LRP1B: variants seen among roughly 807,000 people sequenced by gnomAD.
The protein encoded by LRP1B is low-density lipoprotein receptor-related protein 1B.
In LRP1B, 217 loss-of-function variants were observed where a neutral mutation model predicts 556.6. The observed-to-expected ratio is 0.39, with a 90% CI of 0.35 to 0.44. The LOEUF is 0.44. Among genes scored for constraint, LRP1B ranks in the 20% least tolerant of loss-of-function variants. The probability of loss-of-function intolerance (pLI) is 1.00; values close to 1 mark genes in which losing one functional copy is unlikely to be tolerated. For synonymous variants in LRP1B, 2,047 were observed against 1,865.8 expected, an observed-to-expected ratio of 1.10 and a Z score of -2.50; for missense variants, 5,053 against 5,620.8, an observed-to-expected ratio of 0.90 and a Z score of 3.23.
At chr2:141,518,040 A>T (rs1684387386) in intron 2 of LRP1B, among the ~76,000 whole-genome samples, 1 of 152,182 alleles carries the variant, frequency 6.6e-6, no homozygotes. Context: ...ACATTATGAC[A>T]TTTACAAAAC....
intron 21 of LRP1B, among the ~76,000 whole-genome samples, chr2:140,908,626 G>A (rs1164490474): frequency 6.6e-6 from 1 of 151,730 alleles, no homozygotes; most frequent in African/African-American, 2.4e-5. Flanking sequence ...ATATGTACAT[G>A]CCCTTTCATA....
intron 17 of LRP1B, among the ~76,000 whole-genome samples, chr2:140,985,646 G>C (rs751087855): frequency 4.0e-5 from 6 of 151,854 alleles, no homozygotes; most frequent in Admixed American, 2.0e-4. Flanking sequence ...CCAGCCCACT[G>C]TGTATGTGCT....
chr2:140,368,010 G>C (rs1682839431), intron 71 of LRP1B, among the ~76,000 whole-genome samples: 1 of 151,734 alleles, frequency 6.6e-6, no homozygotes, highest in South Asian at 2.1e-4. Context: ...TATTGTAAGA[G>C]AAAGGCAAAG....
Position 140,867,790 on chromosome 2 carries a change from A to G in LRP1B, c.4379T>C (p.Ile1460Thr), listed in dbSNP as rs200022393. The change falls in exon 27 of 91, where the codon ATA becomes ACA. Residue 1460 changes from isoleucine to threonine, a missense_variant. Ile to Thr is a moderately conservative substitution (Grantham distance 89). This residue lies in a region of LRP1B where 3,619 missense variants were observed against 3,931.9 expected (regional missense o/e 0.92). Transcript: ENST00000389484. ...YSALYDGTNMIEIIRGHEYLS... is the reference protein window; with the variant it reads ...YSALYDGTNMTEIIRGHEYLS... ...GTATTCATGACCTCGGATGATTTCT[A>G]TCATGTTTGTTCCATCATAGAGGGC... 4.6e-5 allele frequency: 74 copies of G among 1,603,340 alleles called. No individual in the cohort carries two copies. The highest frequency in any genetic ancestry group is 1.1e-4 in the East Asian group (5 of 44,536).
At chr2:140,268,222 T>C (rs1403557555) in intron 86 of LRP1B, among the ~76,000 whole-genome samples, 1 of 152,000 alleles carries the variant, frequency 6.6e-6, no homozygotes, top group Non-Finnish European at 1.5e-5. Context: ...TCTGAAATGT[T>C]AATGAATCTA....
chr2:141,740,088 CCAT>C (rs1254046195), intron 2 of LRP1B, among the ~76,000 whole-genome samples: 2 of 152,048 alleles, frequency 1.3e-5, no homozygotes, highest in Admixed American at 6.6e-5. Context: ...CTACTCAAAA[CCAT>C]CATTGTTTCA....
intron 2 of LRP1B, among the ~76,000 whole-genome samples, chr2:141,642,958 C>A (rs558164062): frequency 5.9e-5 from 9 of 151,772 alleles, no homozygotes; most frequent in African/African-American, 1.9e-4. Flanking sequence ...AAGGGTGGGT[C>A]GAGACCAATG....
chr2:141,697,559 A>G (rs750526936), intron 2 of LRP1B, among the ~76,000 whole-genome samples: 1 of 152,014 alleles, frequency 6.6e-6, no homozygotes, highest in Non-Finnish European at 1.5e-5. Flanking sequence ...AAATGTAAAG[A>G]TAACAATCAA....
In LRP1B at chr2:140,315,105, T is replaced by A. The variant is rs745395000; in HGVS notation, c.12641-6A>T. ...AGTTAACTTACATGAATCATCTGTT[T>A]ATGAGAAGAAATGTACAAATTAGCA... is the stretch of plus-strand genomic sequence containing the variant. On this transcript the variant is annotated splice_region_variant and splice_polypyrimidine_tract_variant and intron_variant, in intron 82 of 90. Transcript: ENST00000389484. 5.0e-6 allele frequency: 8 copies of A among 1,591,000 alleles called. No individual in the cohort carries two copies. The highest frequency in any genetic ancestry group is 6.9e-6 in the Non-Finnish European group (8 of 1,166,142).
chr2:140,655,830 C>G (rs1381921911), intron 41 of LRP1B, among the ~76,000 whole-genome samples: 2 of 151,918 alleles, frequency 1.3e-5, no homozygotes. Context: ...GTAGTCCCAG[C>G]TACTCGGGAA....
At chr2:140,596,365 GTGTCACTTAGAGTTGGATGCTGTTCA>G (rs922174092) in intron 43 of LRP1B, among the ~76,000 whole-genome samples, 1 of 152,156 alleles carries the variant, frequency 6.6e-6, no homozygotes, top group African/African-American at 2.4e-5. Flanking sequence ...AGGGGATAAT[GTGTCACTTAGAGTTGGATGCTGTTCA>G]TTTTCTTCCC....
chr2:142,001,812 T>G (rs561615443), intron 1 of LRP1B, among the ~76,000 whole-genome samples: 14 of 152,222 alleles, frequency 9.2e-5, no homozygotes, highest in African/African-American at 3.1e-4. Flanking sequence ...CCAAACATAC[T>G]CAAAAATTAG....
intron 3 of LRP1B, among the ~76,000 whole-genome samples, chr2:141,277,322 A>T (rs1377480333): frequency 6.6e-6 from 1 of 152,158 alleles, no homozygotes; most frequent in Non-Finnish European, 1.5e-5. Flanking sequence ...GCTTTTTAAT[A>T]ATAGCCATTC....
At chr2:141,350,019 A>G (rs572790413) in intron 3 of LRP1B, among the ~76,000 whole-genome samples, 1 of 152,176 alleles carries the variant, frequency 6.6e-6, no homozygotes, top group East Asian at 1.9e-4. Context: ...CACATCTCAC[A>G]TGGTGGCAGA....
intron 1 of LRP1B, among the ~76,000 whole-genome samples, chr2:141,822,130 C>CACACACACAGAGAGAGAGAGAG (rs374369026): frequency 2.1e-5 from 2 of 95,864 alleles, no homozygotes; most frequent in African/African-American, 8.9e-5. Context: ...CACACACACA[C>CACACACACAGAGAGAGAGAGAG]AGAGAGAGAG....
chr2:140,618,891 G>A lies in LRP1B; in HGVS notation c.6800-17252C>T, dbSNP rs75275403. On this transcript the variant is annotated intron_variant, in intron 41 of 90. Coordinates refer to ENST00000389484, the MANE Select transcript of LRP1B (RefSeq NM_018557.3). ...AATCGAAGAAGGTATAATAATGTGG[G>A]TGGGGAAATAATTATTTTTTGTTCG... Among the ~76,000 whole-genome samples the A allele has an allele frequency of 3.1e-4, 47 of 152,138 alleles. No homozygotes were observed. The East Asian group carries it at 8.1e-3, about 26-fold the overall frequency.
At chr2:141,131,939 G>A (rs553189828) in intron 7 of LRP1B, among the ~76,000 whole-genome samples, 8 of 151,734 alleles carry the variant, frequency 5.3e-5, no homozygotes, top group African/African-American at 1.5e-4. Flanking sequence ...CCCATCACCC[G>A]AGCAGTATAC....
At chr2:141,073,185 T>C (rs781287038) in intron 7 of LRP1B, among the ~76,000 whole-genome samples, 1 of 152,126 alleles carries the variant, frequency 6.6e-6, no homozygotes, top group Non-Finnish European at 1.5e-5. Flanking sequence ...TTCTTCCCCT[T>C]ACGCACACTT....
chr2:141,165,176 T>C (rs1008876622), intron 7 of LRP1B, among the ~76,000 whole-genome samples: 9 of 152,068 alleles, frequency 5.9e-5, no homozygotes, highest in East Asian at 3.9e-4. Context: ...CCAGTATGTT[T>C]CAAAAATAAT....
Sources: allele counts gnomAD v4.1 joint callset (sites outside exome capture counted in the v4.1 genomes callset), GRCh38; gene constraint gnomAD v4.1.1; regional missense constraint gnomAD v4.1.1; transcripts MANE v1.5; gene names NCBI Gene and HGNC (gene_info 2026-07-23, HGNC 2026-07-21).